Variants in NEGR1 observed in about 807,000 individuals in gnomAD.
NEGR1 encodes the protein IgLON family member 4.
A neutral mutation model predicts 40.9 loss-of-function variants in NEGR1; 10 were observed. The ratio of observed to expected loss-of-function variants is 0.24; its 90% CI spans 0.15 to 0.42. The LOEUF is 0.42. Among genes scored for constraint, NEGR1 ranks in the 10% least tolerant of loss-of-function variants. The probability of loss-of-function intolerance (pLI) is 1.00; values close to 1 mark genes in which losing one functional copy is unlikely to be tolerated. For synonymous variants in NEGR1, 185 were observed against 166.8 expected, an observed-to-expected ratio of 1.11 and a Z score of -0.84; for missense variants, 352 against 438.9, an observed-to-expected ratio of 0.80 and a Z score of 1.77.
chr1:72,268,004 A>G (rs542138403), intron 1 of NEGR1, among the ~76,000 whole-genome samples: 1 of 151,464 alleles, frequency 6.6e-6, no homozygotes, highest in Admixed American at 6.6e-5. Flanking sequence ...AAATAAGTCC[A>G]AGAAGTAGAA....
intron 1 of NEGR1, among the ~76,000 whole-genome samples, chr1:72,244,967 G>A (rs1478521071): frequency 1.3e-5 from 2 of 151,846 alleles, no homozygotes; most frequent in South Asian, 2.1e-4. Flanking sequence ...AATCACCGAC[G>A]AAAAGCACAA....
chr1:71,655,847 T>C (rs914952573), intron 4 of NEGR1, among the ~76,000 whole-genome samples: 2 of 152,178 alleles, frequency 1.3e-5, no homozygotes, highest in Non-Finnish European at 2.9e-5. Context: ...CAACGGTCTA[T>C]TAGAGGGCAT....
At chr1:71,901,946 G>A (rs996804755) in intron 2 of NEGR1, among the ~76,000 whole-genome samples, 2 of 151,992 alleles carry the variant, frequency 1.3e-5, no homozygotes, top group African/African-American at 4.8e-5. Context: ...TGAGATTACA[G>A]GCGTGAGCCA....
At chr1:71,579,601 A>C (rs1649067235) in intron 6 of NEGR1, among the ~76,000 whole-genome samples, 1 of 127,052 alleles carries the variant, frequency 7.9e-6, no homozygotes, top group Non-Finnish European at 1.6e-5. Context: ...CAACTACTTA[A>C]GATTTTTTTT....
chr1:71,654,579 T>C (rs1651820067), intron 4 of NEGR1, among the ~76,000 whole-genome samples: 1 of 152,154 alleles, frequency 6.6e-6, no homozygotes, highest in Non-Finnish European at 1.5e-5. Context: ...TCATCTATTA[T>C]GGGTTTTTGG....
At chr1:71,921,768 A>G (rs1645723118) in intron 2 of NEGR1, among the ~76,000 whole-genome samples, 2 of 148,412 alleles carry the variant, frequency 1.3e-5, no homozygotes, top group African/African-American at 4.9e-5. Flanking sequence ...ATATACATAC[A>G]TATTTTATAA....
chr1:71,664,313 T>C (rs1296329185), intron 4 of NEGR1, among the ~76,000 whole-genome samples: 1 of 152,214 alleles, frequency 6.6e-6, no homozygotes, highest in Non-Finnish European at 1.5e-5. Flanking sequence ...CATTAATTAC[T>C]GCAATGTTTG....
At chr1:71,970,534 A>C (rs1646247221) in intron 1 of NEGR1, among the ~76,000 whole-genome samples, 1 of 152,080 alleles carries the variant, frequency 6.6e-6, no homozygotes, top group Non-Finnish European at 1.5e-5. Context: ...CTACTAAAAA[A>C]TAGAAAAATT....
chr1:71,604,160 T>G (rs1650009516), intron 5 of NEGR1, among the ~76,000 whole-genome samples: 1 of 152,156 alleles, frequency 6.6e-6, no homozygotes. Context: ...TTATATGTGC[T>G]ATCTAGCATT....
At chr1:72,001,030 G>A (rs1646553070) in intron 1 of NEGR1, among the ~76,000 whole-genome samples, 1 of 151,960 alleles carries the variant, frequency 6.6e-6, no homozygotes, top group Non-Finnish European at 1.5e-5. Context: ...TCCATCCCCC[G>A]ACACATGTGT....
chr1:72,088,585 G>T (rs1051184675), intron 1 of NEGR1, among the ~76,000 whole-genome samples: 1 of 151,980 alleles, frequency 6.6e-6, no homozygotes, highest in Non-Finnish European at 1.5e-5. Context: ...GTTCAAATAG[G>T]AGTTCAAATT....
chr1:71,736,988 A>G (rs575016800), intron 3 of NEGR1, among the ~76,000 whole-genome samples: 52 of 152,300 alleles, frequency 3.4e-4, no homozygotes, highest in East Asian at 1.2e-3. Context: ...TGAAAATGCA[A>G]TGTAGTAAAG....
At chr1:71,688,434 G>GATATATATAAAAGAT (rs1653134147) in intron 4 of NEGR1, among the ~76,000 whole-genome samples, 4 of 14,626 alleles carry the variant, frequency 2.7e-4, no homozygotes, top group South Asian at 2.4e-3. Context: ...ATATATAAAA[G>GATATATATAAAAGAT]ATATATATAT....
intron 6 of NEGR1, among the ~76,000 whole-genome samples, chr1:71,462,339 C>A (rs1232456136): frequency 6.6e-6 from 1 of 152,196 alleles, no homozygotes; most frequent in East Asian, 1.9e-4. Flanking sequence ...TCAACAGACC[C>A]TTTTAGAAGA....
At chr1:72,033,885 G>A (rs1413894015) in intron 1 of NEGR1, among the ~76,000 whole-genome samples, 1 of 152,094 alleles carries the variant, frequency 6.6e-6, no homozygotes, top group Non-Finnish European at 1.5e-5. Flanking sequence ...AAGCCACTCG[G>A]ACTCAAACTG....
chr1:71,796,328 G>C (rs752654704), intron 2 of NEGR1, among the ~76,000 whole-genome samples: 7 of 152,104 alleles, frequency 4.6e-5, no homozygotes, highest in Non-Finnish European at 1.0e-4. Flanking sequence ...TTGAGAAAAA[G>C]ATACTCTGTT....
At chr1:71,469,346 C>G (rs551242666) in intron 6 of NEGR1, among the ~76,000 whole-genome samples, 1 of 151,994 alleles carries the variant, frequency 6.6e-6, no homozygotes, top group East Asian at 1.9e-4. Flanking sequence ...TAGAGCGCAC[C>G]ACTTTTAGTA....
At chr1:72,027,358 A>G (rs1258817866) in intron 1 of NEGR1, among the ~76,000 whole-genome samples, 1 of 152,138 alleles carries the variant, frequency 6.6e-6, no homozygotes, top group Non-Finnish European at 1.5e-5. Context: ...CTAATTGGTA[A>G]AAGAATGAGA....
At chr1:71,675,966 C>A (rs1443453336) in intron 4 of NEGR1, among the ~76,000 whole-genome samples, 1 of 151,792 alleles carries the variant, frequency 6.6e-6, no homozygotes, top group Non-Finnish European at 1.5e-5. Context: ...CTGCCTGGAC[C>A]GATTTTAGTT....
Sources: gnomAD v4.1 joint callset for allele counts (sites outside exome capture counted in the v4.1 genomes callset) on GRCh38, gnomAD v4.1.1 for gene constraint, MANE v1.5 for transcripts, NCBI Gene and HGNC (gene_info 2026-07-23, HGNC 2026-07-21) for gene names.